COL1A2: variants seen among roughly 807,000 people sequenced by gnomAD.
COL1A2 encodes collagen alpha-2(I) chain.
COL1A2 carries 49 observed loss-of-function variants against 174.3 expected under a neutral mutation model. That is an observed-to-expected ratio of 0.28 (90% CI 0.22 to 0.36). The LOEUF (loss-of-function observed/expected upper bound fraction) is 0.36. COL1A2 is among the 10% of genes least tolerant of loss of function. The pLI is 1.00. For synonymous variants in COL1A2, 655 were observed against 606.6 expected (o/e 1.08, Z -1.17); for missense variants, 1,438 against 1,822.7 (o/e 0.79, Z 3.84).
chr7:94,426,693 T>C (rs1792285099), intron 46 of COL1A2, 163 bp downstream of exon 46: 2 of 720,270 alleles, frequency 2.8e-6, no homozygotes, highest in East Asian at 5.4e-5. Context: ...TGCTATTTCA[T>C]ACCAACATGA....
chr7:94,410,379 AT>A (rs776366211), intron 20 of COL1A2, 40 bp from the exon 21 acceptor site: 20 of 1,571,254 alleles, frequency 1.3e-5, no homozygotes, highest in South Asian at 2.3e-5. Flanking sequence ...TATTAAAATT[AT>A]TTTTTTACTC....
Position 94,425,109 on chromosome 7 carries a change from C to T in COL1A2, c.2674-8C>T. The T allele has an allele frequency of 3.7e-6, 6 of 1,612,810 alleles. No homozygotes were observed. The highest frequency in any genetic ancestry group is 5.1e-6 in the Non-Finnish European group (6 of 1,178,834). On this transcript the variant is annotated splice_polypyrimidine_tract_variant and splice_region_variant and intron_variant, in intron 41 of 51. Coordinates refer to ENST00000297268, the MANE Select transcript of COL1A2 (RefSeq NM_000089.4). The stretch of plus-strand genomic sequence containing the variant: ...GGGAATGTCATTTTATCTTCTCTGC[C>T]TGTTTAGGGTGAACCTGGTCCTCTT...
Position 94,424,783 on chromosome 7 carries a change from T to C in COL1A2, c.2674-334T>C. 6.5e-6 allele frequency: 3 copies of C among 461,822 alleles called. No individual in the cohort carries two copies. In the South Asian group the frequency reaches 6.7e-5, roughly 10 times the overall value. 28.6% of individuals were successfully genotyped at this position (461,822 alleles called of 1,614,324 possible). ...ATGAAACTCTGGAAGTTCTGAATCG[T>C]TCCATTAAACCTTATACGTGACAAC... On this transcript the variant is annotated intron_variant, in intron 41 of 51. Transcript: ENST00000297268.
chr7:94,396,010 G>C (rs1791575516), intron 1 of COL1A2, among the ~76,000 whole-genome samples: 1 of 152,118 alleles, frequency 6.6e-6, no homozygotes, highest in Non-Finnish European at 1.5e-5. Flanking sequence ...TTTCCCATGA[G>C]TCTGACACCA....
At chr7:94,420,107 G>A in intron 34 of COL1A2, 126 bp from the exon 35 acceptor site, 1 of 1,204,284 alleles carries the variant, frequency 8.3e-7, no homozygotes, top group Non-Finnish European at 1.2e-6. Context: ...TCTGTGAGAT[G>A]TGCGTCAGTT....
At chr7:94,409,847 A>G (rs372030941) in intron 19 of COL1A2, 26 bp downstream of exon 19, 2 of 1,601,462 alleles carry the variant, frequency 1.2e-6, no homozygotes, top group Non-Finnish European at 1.7e-6. Flanking sequence ...TGTGGTTCTC[A>G]TCATCCTGAA....
At chr7:94,410,833 C>G in intron 21 of COL1A2, 56 bp from the exon 22 acceptor site, 1 of 1,579,638 alleles carries the variant, frequency 6.3e-7, no homozygotes, top group Non-Finnish European at 8.7e-7. Context: ...CAAACTCTAC[C>G]TTATCAAAGC....
chr7:94,404,243 G>T (rs1418520791), intron 6 of COL1A2, among the ~76,000 whole-genome samples: 1 of 152,138 alleles, frequency 6.6e-6, no homozygotes, highest in Non-Finnish European at 1.5e-5. Context: ...TGTATATTCT[G>T]CACTTCTGCA....
intron 29 of COL1A2, 72 bp from the exon 30 acceptor site, chr7:94,415,154 C>A: frequency 6.9e-7 from 1 of 1,445,510 alleles, no homozygotes; most frequent in South Asian, 1.1e-5. Flanking sequence ...CCAAATTTTT[C>A]AAATATTTTA....
In COL1A2 at chr7:94,411,127, T is replaced by G. The variant is rs757389790; in HGVS notation, c.1323T>G (p.Pro441=). Reference sequence around the variant, plus strand: ...GACCTAATGGAGATGCTGGTCGCCCTGGGGAGCCTGGTCTCATGGGACCCA... The same window carrying G: ...GACCTAATGGAGATGCTGGTCGCCCGGGGGAGCCTGGTCTCATGGGACCCA... ...VRGPNGDAGR[P]GEPGLMGPRG... is the part of the protein sequence containing the mutation. Residue 441 remains proline, a synonymous_variant, in exon 23 of 52, where the codon CCT becomes CCG. Coordinates refer to ENST00000297268, the MANE Select transcript of COL1A2 (RefSeq NM_000089.4). 8.8e-6 allele frequency: 14 copies of G among 1,594,348 alleles called. No individual in the cohort carries two copies. In the East Asian group the frequency reaches 3.2e-4, roughly 36 times the overall value.
chr7:94,403,864 A>C (rs891141252), intron 6 of COL1A2, among the ~76,000 whole-genome samples: 1 of 152,144 alleles, frequency 6.6e-6, no homozygotes, highest in Non-Finnish European at 1.5e-5. Flanking sequence ...AGCCTGTTTT[A>C]CCCTACTTTT....
Position 94,427,000 on chromosome 7 carries a change from CT to C in COL1A2, c.3106-5del. Reference sequence around the variant, plus strand: ...TGAAAGTGTGATTTTCCTCTTCTGTCTTTAAAGGGTCACCATGGTGATCAAG... The same window carrying C: ...TGAAAGTGTGATTTTCCTCTTCTGTCTTAAAGGGTCACCATGGTGATCAAG... On this transcript the variant is annotated splice_region_variant and splice_polypyrimidine_tract_variant and intron_variant, in intron 46 of 51. Coordinates refer to ENST00000297268, the MANE Select transcript of COL1A2 (RefSeq NM_000089.4). 1 of 1,613,202 alleles carries C rather than the reference CT, an allele frequency of 6.2e-7. No individual in the cohort carries two copies. Among genetic ancestry groups the C allele is most frequent in the Non-Finnish European group, 8.5e-7 (1 of 1,179,518 alleles).
Position 94,420,245 on chromosome 7 carries a change from G to C in COL1A2, c.2092G>C (p.Ala698Pro). The change falls in exon 35 of 52, where the codon GCT (alanine) becomes CCT (proline). Residue 698 changes from alanine (A) to proline (P), a missense_variant. Ala to Pro is a conservative substitution (Grantham distance 27). Transcript: ENST00000297268. ...GGTCCCATTATAGGGCGAAGCTGGG[G>C]CTGCTGGTCCTGCTGGTCCTGCTGG... ...GATGDRGEAG[A>P]AGPAGPAGPR... is the part of the protein sequence containing the mutation. The C allele has an allele frequency of 6.2e-7, 1 of 1,613,568 alleles. No individual in the cohort carries two copies. The highest frequency in any genetic ancestry group is 8.5e-7 in the Non-Finnish European group (1 of 1,180,034).
In COL1A2 at chr7:94,430,005, G is replaced by A. The variant is rs11764718; in HGVS notation, c.3955-242G>A. The A allele has an allele frequency of 0.22, 123,308 of 549,634 alleles. 15,430 individuals are homozygous for A. The highest frequency in any genetic ancestry group is 0.36 in the South Asian group (17,496 of 48,214). 34.0% of individuals were successfully genotyped at this position (549,634 alleles called of 1,614,324 possible). A position where few individuals can be genotyped will look rare whatever the true frequency, so the allele number is the denominator to read the frequency against. ...TAGAGATAGGTCACTTGGAATGTGT[G>A]TTGAAATGTTGTTGGTTTTTTTGGT... On this transcript the variant is annotated intron_variant, in intron 51 of 51. Transcript: ENST00000297268.
At position 94,397,731 on chromosome 7, in the gene COL1A2, C is replaced by CT. The variant is rs144776919; in HGVS notation, c.71-7dup. On this transcript the variant is annotated splice_polypyrimidine_tract_variant and intron_variant, in intron 1 of 51. Transcript: ENST00000297268. ...TACTAATAATTGTTTCCTACTTTTT[C>CT]TTTTTTTTTTCTACAGCTTTACAAG... is the stretch of plus-strand genomic sequence containing the variant. The CT allele has an allele frequency of 0.12, 125,047 of 1,050,324 alleles. 1,840 individuals are homozygous for CT. Among genetic ancestry groups the CT allele is most frequent in the Middle Eastern group, 0.15 (644 of 4,360 alleles). The allele number at this position is 1,050,324 out of a possible 1,614,324, so 65.1% of individuals were successfully genotyped here.
At position 94,424,128 on chromosome 7, in the gene COL1A2, CA is replaced by C. The variant is rs540445614; in HGVS notation, c.2566-206del. 142 of 550,232 alleles carry C rather than the reference CA, an allele frequency of 2.6e-4. 1 individual carries two copies. The South Asian group carries it at 2.8e-3, about 11-fold the overall frequency. 34.1% of individuals were successfully genotyped at this position (550,232 alleles called of 1,614,324 possible). A position where few individuals can be genotyped will look rare whatever the true frequency, so the allele number is the denominator to read the frequency against. ...TTTTTAAATGTTGTGCCATTGGTCT[CA>C]AGGATGAATCAGATACAAAAGTATT... On this transcript the variant is annotated intron_variant, in intron 40 of 51. Coordinates refer to ENST00000297268, the MANE Select transcript of COL1A2 (RefSeq NM_000089.4).
chr7:94,416,335 C>T (rs1355341375), intron 30 of COL1A2, 70 bp from the exon 31 acceptor site: 21 of 1,328,700 alleles, frequency 1.6e-5, no homozygotes, highest in Admixed American at 2.1e-5. Flanking sequence ...CAAATGTAAA[C>T]TCTCATATGT....
Position 94,430,596 on chromosome 7 carries a change from C to T in COL1A2, c.*203C>T, listed in dbSNP as rs1792379615. ...TCATTAACTCCTTCCCCCGCTCCCC[C>T]AAAAATTTGAATTTTTTTTTCAACA... On this transcript the variant is annotated 3_prime_UTR_variant, in exon 52 of 52. Transcript: ENST00000297268. 1 of 584,578 alleles carries T rather than the reference C, an allele frequency of 1.7e-6. No individual in the cohort carries two copies. The highest frequency in any genetic ancestry group is 1.9e-5 in the African/African-American group (1 of 53,460). The allele number at this position is 584,578 out of a possible 1,614,324, so 36.2% of individuals were successfully genotyped here.
chr7:94,406,338 C>G, intron 12 of COL1A2, 35 bp downstream of exon 12: 2 of 1,601,240 alleles, frequency 1.2e-6, no homozygotes, highest in Non-Finnish European at 1.7e-6. Context: ...TTTTTAAGCA[C>G]TTGATTGAAA....
Sources: allele counts gnomAD v4.1 joint callset (sites outside exome capture counted in the v4.1 genomes callset), GRCh38; gene constraint gnomAD v4.1.1; transcripts MANE v1.5; gene names NCBI Gene and HGNC (gene_info 2026-07-23, HGNC 2026-07-21).